GYG2: variants seen among roughly 807,000 people sequenced by gnomAD.
The protein encoded by GYG2 is glycogenin-2.
In GYG2, 29 loss-of-function variants were observed where a neutral mutation model predicts 29.4. The ratio of observed to expected loss-of-function variants is 0.99; its 90% confidence interval spans 0.74 to 1.35. GYG2 has a LOEUF of 1.35. Among genes scored for constraint, GYG2 ranks in the 40% most tolerant of loss-of-function variants. The pLI is 0.00. For missense variants in GYG2, 370 were observed against 385.7 expected, an observed-to-expected ratio of 0.96 and a Z score of 0.34; for synonymous variants, 167 against 172.3, an observed-to-expected ratio of 0.97 and a Z score of 0.24.
At chrX:2,871,101 G>T (rs184485289) in intron 8 of GYG2, among the ~76,000 whole-genome samples, 1 of 109,994 alleles carries the variant, frequency 9.1e-6, no homozygotes, top group African/African-American at 3.3e-5. Context: ...GGGAAATTGG[G>T]CTTCAGTGTT....
At chrX:2,850,822 T>C (rs990915901) in intron 3 of GYG2, among the ~76,000 whole-genome samples, 2 of 110,160 alleles carry the variant, frequency 1.8e-5, no homozygotes, top group Non-Finnish European at 3.8e-5. Context: ...GCCCCACCCC[T>C]ATCTCCCTTC....
intron 8 of GYG2, among the ~76,000 whole-genome samples, chrX:2,870,630 G>C (rs1224494163): frequency 1.8e-5 from 2 of 111,936 alleles, no homozygotes; most frequent in East Asian, 5.6e-4. Context: ...TGATCTCTTT[G>C]GCTATGTCTA....
At chrX:2,866,772 C>T (rs1380679135) in intron 8 of GYG2, among the ~76,000 whole-genome samples, 1 of 110,694 alleles carries the variant, frequency 9.0e-6, no homozygotes, top group Non-Finnish European at 1.9e-5. Flanking sequence ...TGAACCATCC[C>T]TGTGTACCCC....
At chrX:2,875,206 C>T (rs2088566341) in intron 8 of GYG2, among the ~76,000 whole-genome samples, 1 of 111,791 alleles carries the variant, frequency 8.9e-6, no homozygotes. Context: ...TTGTTGTGCA[C>T]CACCTTCTAG....
chrX:2,874,621 A>G (rs73435434), intron 8 of GYG2, among the ~76,000 whole-genome samples: 26,904 of 111,380 alleles, frequency 0.24, 2,584 homozygotes, highest in South Asian at 0.5. Context: ...GGTGCAGATC[A>G]TATCTGTGTA....
chrX:2,872,134 G>C (rs2088486383), intron 8 of GYG2, among the ~76,000 whole-genome samples: 1 of 111,746 alleles, frequency 8.9e-6, no homozygotes, highest in African/African-American at 3.3e-5. Context: ...TTCTTCTCTG[G>C]CCTGCCTCCA....
At chrX:2,859,324 T>C (rs1019922438) in intron 6 of GYG2, among the ~76,000 whole-genome samples, 4 of 110,685 alleles carry the variant, frequency 3.6e-5, no homozygotes, top group African/African-American at 1.3e-4. Flanking sequence ...CATTGATTAC[T>C]GAATTGATAG....
In GYG2 at chrX:2,854,017, G is replaced by A. The variant is rs755784441; in HGVS notation, c.187G>A (p.Val63Met). Reference protein sequence around the residue: ...LSKVFDEVIEVNLIDSADYIH... With the variant: ...LSKVFDEVIEMNLIDSADYIH... ...GAAGGTGTTCGATGAAGTCATTGAA[G>A]TGAATCTAATCGATAGTGCCGACTA... The change falls in exon 4 of 11, where the codon GTG (valine) becomes ATG (methionine). Residue 63 changes from valine to methionine, a missense_variant. Coordinates refer to ENST00000398806, the MANE Select transcript of GYG2 (RefSeq NM_001079855.2). 1 of 1,203,484 alleles carries A rather than the reference G, an allele frequency of 8.3e-7. No homozygotes were observed. Among genetic ancestry groups the A allele is most frequent in the East Asian group, 3.0e-5 (1 of 33,795 alleles).
At chrX:2,863,098 G>T (rs1042087554) in intron 8 of GYG2, among the ~76,000 whole-genome samples, 1 of 106,629 alleles carries the variant, frequency 9.4e-6, no homozygotes, top group Non-Finnish European at 1.9e-5. Context: ...TTTTTGAGGC[G>T]GAGTCTCTCT....
At chrX:2,873,458 C>T (rs919154836) in intron 8 of GYG2, among the ~76,000 whole-genome samples, 5 of 111,437 alleles carry the variant, frequency 4.5e-5, no homozygotes, top group African/African-American at 1.6e-4. Flanking sequence ...CATTGTGAAA[C>T]AATCATTGTA....
intron 6 of GYG2, 113 bp downstream of exon 6, chrX:2,856,737 CATCTATCTATCTATGTATCT>C: frequency 2.4e-6 from 1 of 422,018 alleles, no homozygotes; most frequent in Non-Finnish European, 3.9e-6. Flanking sequence ...ATCTATCTAT[CATCTATCTATCTATGTATCT>C]ATCTATCTAT....
chrX:2,856,683 C>T, intron 6 of GYG2, 59 bp downstream of exon 6: 1 of 1,011,292 alleles, frequency 9.9e-7, no homozygotes, highest in Non-Finnish European at 1.4e-6. Flanking sequence ...CACCTTCCCT[C>T]CTGGAAGACA....
intron 2 of GYG2, among the ~76,000 whole-genome samples, chrX:2,842,108 G>T (rs1295193861): frequency 8.9e-6 from 1 of 112,089 alleles, no homozygotes; most frequent in Non-Finnish European, 1.9e-5. Context: ...TGAAGTCTTT[G>T]TAAGAAATGG....
intron 3 of GYG2, among the ~76,000 whole-genome samples, chrX:2,847,713 A>AATAC (rs1451169599): frequency 1.1e-5 from 1 of 91,347 alleles, no homozygotes; most frequent in Non-Finnish European, 2.0e-5. Context: ...AAAATAAATA[A>AATAC]ATAAATAAAT....
chrX:2,868,640 G>C (rs1314905479), intron 8 of GYG2, among the ~76,000 whole-genome samples: 1 of 109,691 alleles, frequency 9.1e-6, no homozygotes, highest in African/African-American at 3.3e-5. Flanking sequence ...TTTTCTAAAA[G>C]CAATGAAGTC....
At chrX:2,852,808 C>G (rs774445957) in intron 3 of GYG2, 6 of 111,479 alleles carry the variant, frequency 5.4e-5, no homozygotes, top group Non-Finnish European at 1.1e-4. Context: ...TATATGAATA[C>G]TAGATTGAAA....
chrX:2,867,088 G>A (rs896135651), intron 8 of GYG2, among the ~76,000 whole-genome samples: 4 of 112,056 alleles, frequency 3.6e-5, no homozygotes, highest in Non-Finnish European at 3.8e-5. Flanking sequence ...GCTGGGGACA[G>A]TAGGTGGCCC....
At chrX:2,877,931 A>T (rs1475580883) in intron 10 of GYG2, 2 of 748,424 alleles carry the variant, frequency 2.7e-6, no homozygotes, top group Non-Finnish European at 3.2e-6. Flanking sequence ...TATTGAACGC[A>T]TGTTTAGAGT....
rs753735334 is a variant in GYG2, at chrX:2,844,534, A to G, written c.149+1180A>G. Among the ~76,000 whole-genome samples the G allele has an allele frequency of 1.7e-4, 15 of 87,384 alleles. 2 individuals carry two copies. Among genetic ancestry groups the G allele is most frequent in the African/African-American group, 6.3e-4 (14 of 22,328 alleles). The allele number at this position is 87,384 out of a possible 115,157, so 75.9% of individuals were successfully genotyped here. The stretch of plus-strand genomic sequence containing the variant: ...TGTGTATACGCACACGCATGCGTAT[A>G]TATGTGTATACGCACACGCATGCGT... On this transcript the variant is annotated intron_variant, in intron 3 of 10. Coordinates refer to ENST00000398806, the MANE Select transcript of GYG2 (RefSeq NM_001079855.2).
Sources: gnomAD v4.1 joint callset for allele counts (sites outside exome capture counted in the v4.1 genomes callset) on GRCh38, gnomAD v4.1.1 for gene constraint, MANE v1.5 for transcripts, NCBI Gene and HGNC (gene_info 2026-07-23, HGNC 2026-07-21) for gene names.